Variants in DHRSX observed in about 807,000 individuals in gnomAD.
DHRSX encodes the protein dehydrogenase/reductase X-linked, also known as polyprenol dehydrogenase.
Under a neutral mutation model 34.0 loss-of-function variants are expected in DHRSX, and 31 were observed. The observed-to-expected ratio is 0.91, with a 90% CI of 0.69 to 1.23. The LOEUF is 1.23. Ranked by LOEUF, DHRSX falls within the 50% of genes most tolerant of loss-of-function variation. The pLI is 0.00. For synonymous variants in DHRSX, 201 were observed against 183.8 expected, an observed-to-expected ratio of 1.09 and a Z score of -0.76; for missense variants, 414 against 428.1, an observed-to-expected ratio of 0.97 and a Z score of 0.29.
At chrX:2,486,164 C>T (rs147603829) in intron 1 of DHRSX, among the ~76,000 whole-genome samples, 2 of 152,084 alleles carry the variant, frequency 1.3e-5, no homozygotes, top group Non-Finnish European at 2.9e-5. Context: ...TCTCTGCTCC[C>T]GGGGAACACT....
intron 3 of DHRSX, among the ~76,000 whole-genome samples, chrX:2,382,606 TC>T (rs2043217548): frequency 8.7e-5 from 7 of 80,604 alleles, no homozygotes; most frequent in African/African-American, 3.4e-4. Flanking sequence ...ATCATCACCA[TC>T]ACCATCATCA....
At chrX:2,489,676 GCTC>G (rs765978670) in intron 1 of DHRSX, 1 of 1,612,426 alleles carries the variant, frequency 6.2e-7, no homozygotes, top group Non-Finnish European at 8.5e-7. Context: ...AGACGCGGTT[GCTC>G]ACCAGCATGC....
intron 1 of DHRSX, chrX:2,489,246 G>C: frequency 6.2e-7 from 1 of 1,613,922 alleles, no homozygotes; most frequent in Non-Finnish European, 8.5e-7. Context: ...TTCTCCACCT[G>C]CTGCCGCTCG....
intron 1 of DHRSX, among the ~76,000 whole-genome samples, chrX:2,485,747 G>A (rs1402617629): frequency 1.4e-5 from 1 of 71,112 alleles, no homozygotes; most frequent in African/African-American, 7.7e-5. Flanking sequence ...GGAGAGAAGG[G>A]AGGGAAGGAA....
intron 3 of DHRSX, among the ~76,000 whole-genome samples, chrX:2,354,943 T>C (rs1325225705): frequency 6.6e-6 from 1 of 151,926 alleles, no homozygotes. Context: ...AAAATATCCA[T>C]CTTGGGACTC....
At chrX:2,439,131 G>A (rs752034901) in intron 1 of DHRSX, among the ~76,000 whole-genome samples, 45 of 149,836 alleles carry the variant, frequency 3.0e-4, no homozygotes, top group Admixed American at 7.3e-4. Context: ...GGTGACAAGA[G>A]CGAGACTTTT....
intron 6 of DHRSX, 108 bp from the exon 7 acceptor site, chrX:2,221,337 G>T: frequency 8.9e-7 from 1 of 1,122,592 alleles, no homozygotes; most frequent in Non-Finnish European, 1.3e-6. Context: ...ATACTCATCA[G>T]CTGCACTGAG....
intron 6 of DHRSX, among the ~76,000 whole-genome samples, chrX:2,223,603 G>A (rs1328469625): frequency 2.0e-5 from 3 of 152,166 alleles, no homozygotes; most frequent in African/African-American, 7.2e-5. Context: ...GAGGAAGGGA[G>A]GAAGGACAGA....
At chrX:2,359,269 T>A (rs763356170) in intron 3 of DHRSX, among the ~76,000 whole-genome samples, 1 of 152,288 alleles carries the variant, frequency 6.6e-6, no homozygotes, top group Admixed American at 6.5e-5. Context: ...CAAAGGAACA[T>A]CAATCATTCT....
chrX:2,307,752 A>C (rs1003765623), intron 3 of DHRSX, among the ~76,000 whole-genome samples: 1 of 144,700 alleles, frequency 6.9e-6, no homozygotes. Flanking sequence ...GCGACAGAGC[A>C]AGACTCCCTC....
At chrX:2,271,896 C>G (rs1321774723) in intron 4 of DHRSX, among the ~76,000 whole-genome samples, 2 of 151,996 alleles carry the variant, frequency 1.3e-5, no homozygotes, top group African/African-American at 4.8e-5. Context: ...ACAAAATTAG[C>G]CGGGCGTGGT....
At chrX:2,489,051 C>A in intron 1 of DHRSX, 1 of 1,613,834 alleles carries the variant, frequency 6.2e-7, no homozygotes, top group Non-Finnish European at 8.5e-7. Context: ...TCCTCCACGC[C>A]GCCTGTCTGG....
chrX:2,455,741 C>CAAAAAAAAAAAAAAAA (rs752123891), intron 1 of DHRSX, among the ~76,000 whole-genome samples: 8 of 59,800 alleles, frequency 1.3e-4, no homozygotes, highest in African/African-American at 2.6e-4. Flanking sequence ...AACTTCGTCT[C>CAAAAAAAAAAAAAAAA]AAAAAAAAAA....
At chrX:2,321,869 CG>C (rs1315592225) in intron 3 of DHRSX, among the ~76,000 whole-genome samples, 5 of 151,986 alleles carry the variant, frequency 3.3e-5, no homozygotes, top group African/African-American at 7.3e-5. Context: ...AAGGTGAAGA[CG>C]ATAAGGATGA....
At chrX:2,290,688 G>T (rs778236243) in intron 4 of DHRSX, among the ~76,000 whole-genome samples, 21 of 152,244 alleles carry the variant, frequency 1.4e-4, no homozygotes, top group Non-Finnish European at 1.5e-5. Flanking sequence ...TTTGCATTTG[G>T]TCTCCATCTG....
At chrX:2,344,194 G>A (rs886450262) in intron 3 of DHRSX, among the ~76,000 whole-genome samples, 2 of 152,136 alleles carry the variant, frequency 1.3e-5, no homozygotes, top group African/African-American at 2.4e-5. Context: ...TTCAACAAAG[G>A]AAGGATACTT....
intron 1 of DHRSX, 58 bp downstream of exon 1, chrX:2,500,759 A>G: frequency 4.0e-6 from 2 of 503,586 alleles, no homozygotes; most frequent in Non-Finnish European, 5.0e-6. Flanking sequence ...CCCGCCCCCG[A>G]GCCAGCCCGC....
At chrX:2,456,425 C>A (rs1046773015) in intron 1 of DHRSX, among the ~76,000 whole-genome samples, 1 of 151,796 alleles carries the variant, frequency 6.6e-6, no homozygotes, top group Non-Finnish European at 1.5e-5. Flanking sequence ...ACCAGCCTGG[C>A]CAACATGATG....
intron 3 of DHRSX, among the ~76,000 whole-genome samples, chrX:2,347,101 T>C (rs762783773): frequency 6.6e-6 from 1 of 152,306 alleles, no homozygotes; most frequent in East Asian, 1.9e-4. Flanking sequence ...TAAGTATGTT[T>C]TCATGCTGTA....
Sources: gnomAD v4.1 joint callset for allele counts (sites outside exome capture counted in the v4.1 genomes callset) on GRCh38, gnomAD v4.1.1 for gene constraint, MANE v1.5 for transcripts, NCBI Gene and HGNC (gene_info 2026-07-23, HGNC 2026-07-21) for gene names.